The following EPHA6 variants were observed in gnomAD, a reference collection of about 807,000 sequenced individuals.
EPHA6 encodes ephrin type-A receptor 6.
EPHA6 carries 50 observed loss-of-function variants against 112.0 expected under a neutral mutation model. That is an observed-to-expected ratio of 0.45 (90% CI 0.36 to 0.56). The LOEUF is 0.56. Among genes scored for constraint, EPHA6 ranks in the 20% least tolerant of loss-of-function variants. The pLI is 0.00. For missense variants in EPHA6, 1,280 were observed against 1,417.4 expected (o/e 0.90, Z 1.56); for synonymous variants, 529 against 490.7 (o/e 1.08, Z -1.03).
chr3:97,364,869 G>A (rs1201679991), intron 5 of EPHA6, among the ~76,000 whole-genome samples: 1 of 152,020 alleles, frequency 6.6e-6, no homozygotes, highest in Admixed American at 6.6e-5. Flanking sequence ...TTAAACTTGA[G>A]GTGTCTAGGC....
chr3:96,948,356 C>T (rs1310776458), intron 2 of EPHA6, among the ~76,000 whole-genome samples: 1 of 152,168 alleles, frequency 6.6e-6, no homozygotes, highest in East Asian at 1.9e-4. Flanking sequence ...TATTCCTTTA[C>T]AGTTCATATG....
intron 11 of EPHA6, among the ~76,000 whole-genome samples, chr3:97,582,850 G>A (rs947898120): frequency 5.3e-5 from 8 of 152,024 alleles, no homozygotes; most frequent in Admixed American, 6.5e-5. Flanking sequence ...ACATTTGTTC[G>A]TAGATAGTGC....
At chr3:97,458,395 A>C (rs1384218089) in intron 7 of EPHA6, among the ~76,000 whole-genome samples, 1 of 151,876 alleles carries the variant, frequency 6.6e-6, no homozygotes, top group Non-Finnish European at 1.5e-5. Context: ...CTTGCACTAT[A>C]GTTTTTTTAA....
chr3:97,608,900 A>G (rs1374089481), intron 12 of EPHA6, among the ~76,000 whole-genome samples: 1 of 150,924 alleles, frequency 6.6e-6, no homozygotes, highest in Non-Finnish European at 1.5e-5. Flanking sequence ...AAACTCTGAG[A>G]CAGACTACTT....
At chr3:97,564,103 G>A (rs530745043) in intron 11 of EPHA6, among the ~76,000 whole-genome samples, 1 of 152,162 alleles carries the variant, frequency 6.6e-6, no homozygotes, top group Non-Finnish European at 1.5e-5. Context: ...TAATTAGGGG[G>A]AAAACTAAAA....
chr3:97,616,061 C>T (rs1273215627), intron 13 of EPHA6, among the ~76,000 whole-genome samples: 1 of 152,084 alleles, frequency 6.6e-6, no homozygotes, highest in Non-Finnish European at 1.5e-5. Context: ...CCGCCTTCTA[C>T]AAGTGTGTTG....
chr3:97,144,457 CT>C (rs59921776), intron 3 of EPHA6, among the ~76,000 whole-genome samples: 28,402 of 144,954 alleles, frequency 0.2, 3,413 homozygotes, highest in African/African-American at 0.32. Context: ...TCTTTTTTAG[CT>C]TTTTTTTTTT....
intron 11 of EPHA6, among the ~76,000 whole-genome samples, chr3:97,549,074 A>T (rs2092995877): frequency 6.6e-6 from 1 of 152,164 alleles, no homozygotes; most frequent in South Asian, 2.1e-4. Flanking sequence ...CACTGTACAT[A>T]ATGCTTGATA....
chr3:97,475,917 G>A (rs1382169765), intron 8 of EPHA6, among the ~76,000 whole-genome samples: 1 of 151,986 alleles, frequency 6.6e-6, no homozygotes, highest in Non-Finnish European at 1.5e-5. Flanking sequence ...ATACTTCAAA[G>A]TAATTTGAAT....
intron 14 of EPHA6, among the ~76,000 whole-genome samples, chr3:97,702,751 A>G (rs1452890647): frequency 6.6e-6 from 1 of 152,190 alleles, no homozygotes; most frequent in Non-Finnish European, 1.5e-5. Flanking sequence ...GATTCATTGA[A>G]TCACTTTTAT....
chr3:97,571,028 T>G (rs1050511009), intron 11 of EPHA6, among the ~76,000 whole-genome samples: 2 of 152,106 alleles, frequency 1.3e-5, no homozygotes, highest in Non-Finnish European at 2.9e-5. Context: ...TAGTTCACAT[T>G]AAGAGTCAGG....
intron 3 of EPHA6, among the ~76,000 whole-genome samples, chr3:97,194,726 C>T (rs2077395739): frequency 6.6e-6 from 1 of 151,926 alleles, no homozygotes; most frequent in African/African-American, 2.4e-5. Flanking sequence ...ATAATATTTG[C>T]TTTATTTATC....
intron 14 of EPHA6, among the ~76,000 whole-genome samples, chr3:97,718,617 G>A (rs1358948654): frequency 6.6e-6 from 1 of 151,896 alleles, no homozygotes; most frequent in African/African-American, 2.4e-5. Flanking sequence ...CCCTACTTTG[G>A]GTTCAAGAAT....
chr3:97,601,438 A>G (rs1239609285), intron 12 of EPHA6, among the ~76,000 whole-genome samples: 1 of 152,140 alleles, frequency 6.6e-6, no homozygotes, highest in Admixed American at 6.6e-5. Context: ...ACATGCCCTC[A>G]TGGGATGCTG....
chr3:97,350,446 A>C (rs998583044), intron 5 of EPHA6, among the ~76,000 whole-genome samples: 4 of 152,158 alleles, frequency 2.6e-5, no homozygotes, highest in African/African-American at 7.2e-5. Context: ...TTTTTAGGAA[A>C]TTTCACAAAT....
intron 3 of EPHA6, among the ~76,000 whole-genome samples, chr3:97,105,633 T>G (rs1420767797): frequency 2.0e-5 from 3 of 152,054 alleles, no homozygotes; most frequent in Admixed American, 6.6e-5. Context: ...TTCTGTTGGT[T>G]TTGGGTGGAG....
rs1320226761 is a variant in EPHA6, at chr3:97,645,358, C to G, written c.2784+7276C>G. ...CCATAAAAAATGATGAGTTCATGTC[C>G]TTTGTAGGGACATGGATGACATTGG... is the stretch of plus-strand genomic sequence containing the variant. On this transcript the variant is annotated intron_variant, in intron 14 of 17. Transcript: ENST00000389672. 1.0e-4 allele frequency among the ~76,000 whole-genome samples: 15 copies of G among 145,382 alleles called. No individual in the cohort carries two copies. The East Asian group carries it at 2.1e-3, about 20-fold the overall frequency.
chr3:97,167,234 A>G (rs1553714354), intron 3 of EPHA6, among the ~76,000 whole-genome samples: 2 of 152,204 alleles, frequency 1.3e-5, no homozygotes, highest in Non-Finnish European at 1.5e-5. Flanking sequence ...AATCAAAAGC[A>G]TGTATTCCCT....
chr3:97,577,970 T>G (rs749936405), intron 11 of EPHA6, among the ~76,000 whole-genome samples: 10 of 152,102 alleles, frequency 6.6e-5, no homozygotes, highest in Non-Finnish European at 1.2e-4. Context: ...GGTTGGTGGA[T>G]AGACTCAGAA....
Sources: allele counts gnomAD v4.1 joint callset (sites outside exome capture counted in the v4.1 genomes callset), GRCh38; gene constraint gnomAD v4.1.1; transcripts MANE v1.5; gene names NCBI Gene and HGNC (gene_info 2026-07-23, HGNC 2026-07-21).